KCTD16: variants seen among roughly 807,000 people sequenced by gnomAD.
KCTD16 encodes the protein BTB/POZ domain-containing protein KCTD16.
KCTD16 carries 13 observed loss-of-function variants against 33.2 expected under a neutral mutation model. The observed-to-expected ratio is 0.39, with a 90% confidence interval of 0.25 to 0.62. The LOEUF (loss-of-function observed/expected upper bound fraction) is 0.62, where lower values mean the gene tolerates loss of function less well. Ranked by LOEUF, KCTD16 falls within the 20% of genes least tolerant of loss-of-function variation. KCTD16 has a pLI of 0.50. For synonymous variants in KCTD16, 197 were observed against 195.3 expected, an observed-to-expected ratio of 1.01 and a Z score of -0.07; for missense variants, 441 against 525.1, an observed-to-expected ratio of 0.84 and a Z score of 1.57.
At chr5:144,377,147 G>T (rs1285123765) in intron 3 of KCTD16, among the ~76,000 whole-genome samples, 2 of 152,120 alleles carry the variant, frequency 1.3e-5, no homozygotes, top group East Asian at 1.9e-4. Flanking sequence ...ATCCTTCATG[G>T]AGCCCTTCTC....
intron 3 of KCTD16, among the ~76,000 whole-genome samples, chr5:144,256,285 C>A (rs1671061777): frequency 6.6e-6 from 1 of 152,168 alleles, no homozygotes; most frequent in African/African-American, 2.4e-5. Flanking sequence ...ATTCTACATT[C>A]TTTTTCTATT....
At chr5:144,472,678 A>G (rs1490063254) in intron 3 of KCTD16, among the ~76,000 whole-genome samples, 6 of 152,202 alleles carry the variant, frequency 3.9e-5, no homozygotes, top group Admixed American at 2.0e-4. Flanking sequence ...CGGATACTTC[A>G]CTATGCTCAT....
intron 3 of KCTD16, among the ~76,000 whole-genome samples, chr5:144,257,974 G>T (rs930117733): frequency 2.0e-5 from 3 of 152,152 alleles, no homozygotes; most frequent in African/African-American, 7.2e-5. Context: ...TGGACAATAT[G>T]TATATCCATT....
intron 3 of KCTD16, among the ~76,000 whole-genome samples, chr5:144,393,557 TAG>T (rs542496682): frequency 6.6e-6 from 1 of 151,990 alleles, no homozygotes; most frequent in Admixed American, 6.6e-5. Flanking sequence ...TGTATATATA[TAG>T]AGAGAGAGTG....
rs189449132 is a variant in KCTD16, at chr5:144,386,191, G to T, written c.833-87469G>T. ...TACAGAGCTCAATAACTATTGACTT[G>T]CCCTCTCAGTTGATTGGAAAGGGCC... is the stretch of plus-strand genomic sequence containing the variant. On this transcript the variant is annotated intron_variant, in intron 3 of 3. Coordinates refer to ENST00000512467, the MANE Select transcript of KCTD16 (RefSeq NM_020768.4). 1.8e-4 allele frequency among the ~76,000 whole-genome samples: 28 copies of T among 152,246 alleles called. No individual in the cohort carries two copies. The East Asian group carries it at 4.4e-3, about 24-fold the overall frequency.
intron 3 of KCTD16, among the ~76,000 whole-genome samples, chr5:144,363,889 T>G (rs1751773445): frequency 6.6e-6 from 1 of 152,200 alleles, no homozygotes; most frequent in Non-Finnish European, 1.5e-5. Flanking sequence ...ATGATAAATG[T>G]GCTATCTATT....
intron 3 of KCTD16, among the ~76,000 whole-genome samples, chr5:144,436,701 C>A (rs1753587702): frequency 6.6e-6 from 1 of 151,672 alleles, no homozygotes; most frequent in Non-Finnish European, 1.5e-5. Flanking sequence ...TATTCTTCTG[C>A]CTCACCCTCC....
chr5:144,229,752 G>T (rs1754042369), intron 3 of KCTD16, among the ~76,000 whole-genome samples: 1 of 152,078 alleles, frequency 6.6e-6, no homozygotes, highest in Admixed American at 6.5e-5. Context: ...CTGTGCCATG[G>T]CCAATGAAAA....
At chr5:144,198,220 T>C (rs182804120) in intron 2 of KCTD16, among the ~76,000 whole-genome samples, 2 of 152,334 alleles carry the variant, frequency 1.3e-5, no homozygotes, top group African/African-American at 4.8e-5. Context: ...AATTGTTTCA[T>C]TGGGCCATTC....
intron 3 of KCTD16, among the ~76,000 whole-genome samples, chr5:144,332,497 A>G (rs2126892223): frequency 6.6e-6 from 1 of 152,286 alleles, no homozygotes; most frequent in Admixed American, 6.5e-5. Flanking sequence ...TCTTCAGATA[A>G]CTGAACCAGG....
At position 144,206,850 on chromosome 5, in the gene KCTD16, A is replaced by G. The variant is rs1204411698; in HGVS notation, c.136A>G (p.Ile46Val). The G allele has an allele frequency of 6.2e-7, 1 of 1,614,176 alleles. No individual in the cohort carries two copies. Among genetic ancestry groups the G allele is most frequent in the Non-Finnish European group, 8.5e-7 (1 of 1,180,028 alleles). Residue 46 changes from isoleucine (I) to valine (V), a missense_variant, in exon 3 of 4, where the codon ATC becomes GTC. Coordinates refer to ENST00000512467, the MANE Select transcript of KCTD16 (RefSeq NM_020768.4). ...TACTCGCCATTCCACATTGATAAGCATCCCTCATTCCCTCCTGTGGAAAAT... is the reference window on the plus strand; with the variant it reads ...TACTCGCCATTCCACATTGATAAGCGTCCCTCATTCCCTCCTGTGGAAAAT... The part of the protein sequence containing the change: ...YFTRHSTLIS[I>V]PHSLLWKMFS...
At chr5:144,352,629 C>T (rs1260169680) in intron 3 of KCTD16, among the ~76,000 whole-genome samples, 8 of 152,168 alleles carry the variant, frequency 5.3e-5, no homozygotes, top group Admixed American at 1.3e-4. Context: ...TTAAAATTTA[C>T]GATGGAGCAA....
At chr5:144,200,828 C>T (rs544838219) in intron 2 of KCTD16, among the ~76,000 whole-genome samples, 4 of 152,322 alleles carry the variant, frequency 2.6e-5, no homozygotes, top group South Asian at 2.1e-4. Flanking sequence ...CCCTTAAACT[C>T]GAGACTCAAG....
intron 3 of KCTD16, among the ~76,000 whole-genome samples, chr5:144,386,063 C>A (rs1479718586): frequency 6.6e-6 from 1 of 151,972 alleles, no homozygotes; most frequent in Non-Finnish European, 1.5e-5. Context: ...ATATTATTTC[C>A]AGAAATGTGT....
At chr5:144,448,143 G>A (rs1347824196) in intron 3 of KCTD16, among the ~76,000 whole-genome samples, 1 of 151,824 alleles carries the variant, frequency 6.6e-6, no homozygotes, top group South Asian at 2.1e-4. Context: ...TCCCATTGAT[G>A]CTGTAGTCTC....
chr5:144,293,376 C>G (rs1249419380), intron 3 of KCTD16, among the ~76,000 whole-genome samples: 1 of 152,198 alleles, frequency 6.6e-6, no homozygotes, highest in East Asian at 1.9e-4. Flanking sequence ...CTATTTAACA[C>G]TTCCCCAATC....
chr5:144,346,440 T>C (rs1444655332), intron 3 of KCTD16, among the ~76,000 whole-genome samples: 1 of 152,138 alleles, frequency 6.6e-6, no homozygotes, highest in Non-Finnish European at 1.5e-5. Flanking sequence ...CAAACTATTC[T>C]CCAAAGTGGC....
chr5:144,440,108 C>G (rs1753670245), intron 3 of KCTD16, among the ~76,000 whole-genome samples: 1 of 152,082 alleles, frequency 6.6e-6, no homozygotes, highest in Non-Finnish European at 1.5e-5. Context: ...TTCTGGAAGC[C>G]CCTTCTGTGC....
intron 3 of KCTD16, among the ~76,000 whole-genome samples, chr5:144,456,694 G>A (rs902121185): frequency 6.0e-5 from 9 of 150,862 alleles, no homozygotes; most frequent in African/African-American, 2.2e-4. Flanking sequence ...ATTTGTAGTT[G>A]TGTCGATCTG....
Sources: allele counts gnomAD v4.1 joint callset (sites outside exome capture counted in the v4.1 genomes callset), GRCh38; gene constraint gnomAD v4.1.1; transcripts MANE v1.5; gene names NCBI Gene and HGNC (gene_info 2026-07-23, HGNC 2026-07-21).